The following DLGAP2 variants were observed in gnomAD, a reference collection of about 807,000 sequenced individuals.
DLGAP2 encodes the protein DLG associated protein 2.
A neutral mutation model predicts 100.3 loss-of-function variants in DLGAP2; 26 were observed. The observed-to-expected ratio is 0.26, with a 90% CI of 0.19 to 0.36. The LOEUF (loss-of-function observed/expected upper bound fraction) is 0.36. Among genes scored for constraint, DLGAP2 ranks in the 10% least tolerant of loss-of-function variants. The probability of loss-of-function intolerance (pLI) is 1.00; values close to 1 mark genes in which losing one functional copy is unlikely to be tolerated. For synonymous variants in DLGAP2, 886 were observed against 630.1 expected, an observed-to-expected ratio of 1.41 and a Z score of -6.08; for missense variants, 1,858 against 1,453.2, an observed-to-expected ratio of 1.28 and a Z score of -4.53.
chr8:1,325,528 C>T (rs1264298065), intron 3 of DLGAP2, among the ~76,000 whole-genome samples: 1 of 152,212 alleles, frequency 6.6e-6, no homozygotes, highest in Admixed American at 6.5e-5. Flanking sequence ...TGTACGCATA[C>T]ATTGCTAGCT....
chr8:1,107,879 G>A (rs765919189), intron 2 of DLGAP2, among the ~76,000 whole-genome samples: 1 of 152,118 alleles, frequency 6.6e-6, no homozygotes, highest in East Asian at 1.9e-4. Context: ...TCTATAGCTC[G>A]GGGAGCACGA....
chr8:1,614,084 C>G (rs1223071473), intron 6 of DLGAP2, among the ~76,000 whole-genome samples: 1 of 152,146 alleles, frequency 6.6e-6, no homozygotes, highest in Non-Finnish European at 1.5e-5. Flanking sequence ...GGCTGGTTCA[C>G]TGCAAGTGTA....
chr8:1,091,956 G>A (rs561297662), intron 2 of DLGAP2, among the ~76,000 whole-genome samples: 8 of 152,172 alleles, frequency 5.3e-5, no homozygotes, highest in South Asian at 2.1e-4. Context: ...GTTCCATGTC[G>A]TCTGCCACTT....
rs190328206 is a variant in DLGAP2, at chr8:1,142,112, C to A, written c.74-116739C>A. ...CTATGAAATTGCCATTTTAGACAAT[C>A]GTTTTTCCTAAGAAATCTTTGGAAA... On this transcript the variant is annotated intron_variant, in intron 2 of 14. Transcript: ENST00000637795. Among the ~76,000 whole-genome samples, 270 of 150,884 alleles carry A rather than the reference C, an allele frequency of 1.8e-3. 4 individuals are homozygous for A. Among genetic ancestry groups the A allele is most frequent in the Non-Finnish European group, 1.0e-3 (68 of 67,828 alleles).
intron 2 of DLGAP2, among the ~76,000 whole-genome samples, chr8:1,191,438 G>C (rs1357279889): frequency 2.0e-5 from 3 of 152,142 alleles, no homozygotes; most frequent in Non-Finnish European, 4.4e-5. Context: ...CCAAAGTGCG[G>C]GGATTATAGG....
intron 3 of DLGAP2, among the ~76,000 whole-genome samples, chr8:1,292,961 G>A (rs7463743): frequency 5.9e-5 from 9 of 152,038 alleles, no homozygotes; most frequent in African/African-American, 1.4e-4. Flanking sequence ...GGGCGTGTCC[G>A]TCTCCCCCAG....
At chr8:902,204 C>A (rs564641684) in intron 1 of DLGAP2, among the ~76,000 whole-genome samples, 1 of 152,328 alleles carries the variant, frequency 6.6e-6, no homozygotes, top group South Asian at 2.1e-4. Context: ...GGGCGCCCAG[C>A]CACGTTCATT....
intron 2 of DLGAP2, among the ~76,000 whole-genome samples, chr8:1,175,596 A>T (rs576093647): frequency 1.3e-5 from 2 of 152,222 alleles, no homozygotes; most frequent in Non-Finnish European, 2.9e-5. Context: ...GAACATGACT[A>T]AATGCCAGTC....
chr8:1,085,233 G>C lies in DLGAP2; in HGVS notation c.74-173618G>C, dbSNP rs558211830. 7.9e-5 allele frequency among the ~76,000 whole-genome samples: 12 copies of C among 152,250 alleles called. No individual in the cohort carries two copies. In the South Asian group the frequency reaches 2.5e-3, roughly 32 times the overall value. ...TAATTTCTTTTCTTTCTATAGAGTT[G>C]TTTGAGTTCTTACATATTTTGGATA... On this transcript the variant is annotated intron_variant, in intron 2 of 14. Transcript: ENST00000637795.
intron 2 of DLGAP2, among the ~76,000 whole-genome samples, chr8:976,861 G>C (rs1800177656): frequency 6.6e-6 from 1 of 152,132 alleles, no homozygotes; most frequent in African/African-American, 2.4e-5. Context: ...AAAATACCTA[G>C]GTAACTGTAG....
intron 3 of DLGAP2, among the ~76,000 whole-genome samples, chr8:1,271,326 C>A (rs1372082301): frequency 6.6e-6 from 1 of 152,126 alleles, no homozygotes; most frequent in Non-Finnish European, 1.5e-5. Context: ...GCGCCCATTT[C>A]AATGCGATTC....
At chr8:1,387,792 G>A (rs897329559) in intron 3 of DLGAP2, among the ~76,000 whole-genome samples, 2 of 152,194 alleles carry the variant, frequency 1.3e-5, no homozygotes, top group Non-Finnish European at 2.9e-5. Context: ...GGCCTCACCT[G>A]TGCCACAATC....
At chr8:975,001 T>A (rs1800126584) in intron 2 of DLGAP2, among the ~76,000 whole-genome samples, 1 of 152,068 alleles carries the variant, frequency 6.6e-6, no homozygotes, top group Non-Finnish European at 1.5e-5. Context: ...CTGACCAGGC[T>A]AATGAAGAAA....
At chr8:1,268,546 G>C (rs921843545) in intron 3 of DLGAP2, among the ~76,000 whole-genome samples, 6 of 152,070 alleles carry the variant, frequency 3.9e-5, no homozygotes, top group Admixed American at 1.3e-4. Context: ...AACATCATTC[G>C]TGCCATTTCA....
rs1015218061 is a variant in DLGAP2, at chr8:859,433, A to T, written c.19-48479A>T. Among the ~76,000 whole-genome samples, 4 of 152,082 alleles carry T rather than the reference A, an allele frequency of 2.6e-5. No individual in the cohort carries two copies. In the East Asian group the frequency reaches 7.8e-4, roughly 29 times the overall value. ...GGCCCTGTCTTAGTCTTCTAATTGG[A>T]GTTTAGGTGACTGGAGTTTAGGGAA... On this transcript the variant is annotated intron_variant, in intron 1 of 14. Transcript: ENST00000637795.
intron 3 of DLGAP2, among the ~76,000 whole-genome samples, chr8:1,490,766 G>C (rs372172897): frequency 6.6e-6 from 1 of 152,108 alleles, no homozygotes; most frequent in Non-Finnish European, 1.5e-5. Context: ...GGGGCATGAG[G>C]CCTGTGTCCT....
At chr8:911,070 G>A (rs1282120067) in intron 2 of DLGAP2, among the ~76,000 whole-genome samples, 1 of 152,082 alleles carries the variant, frequency 6.6e-6, no homozygotes, top group Non-Finnish European at 1.5e-5. Context: ...ATCCTTTCAT[G>A]ACGAGTCGCT....
At chr8:866,155 C>CG (rs756609754) in intron 1 of DLGAP2, among the ~76,000 whole-genome samples, 1 of 152,102 alleles carries the variant, frequency 6.6e-6, no homozygotes, top group South Asian at 2.1e-4. Flanking sequence ...CACGGTTGGC[C>CG]GGGGCCCTCG....
At chr8:1,195,829 A>C (rs540515363) in intron 2 of DLGAP2, among the ~76,000 whole-genome samples, 2 of 152,202 alleles carry the variant, frequency 1.3e-5, no homozygotes, top group Non-Finnish European at 2.9e-5. Context: ...GAGGCCTTGC[A>C]GCGGTAGATA....
Sources: gnomAD v4.1 joint callset for allele counts (sites outside exome capture counted in the v4.1 genomes callset) on GRCh38, gnomAD v4.1.1 for gene constraint, MANE v1.5 for transcripts, NCBI Gene and HGNC (gene_info 2026-07-23, HGNC 2026-07-21) for gene names.